Variants in MAEA observed in about 807,000 individuals in gnomAD.
MAEA encodes macrophage erythroblast attacher, E3 ubiquitin ligase, also known as E3 ubiquitin-protein transferase MAEA.
In MAEA, 22 loss-of-function variants were observed where a neutral mutation model predicts 46.2. That is an observed-to-expected ratio of 0.48 (90% CI 0.34 to 0.68). MAEA has a LOEUF of 0.68. MAEA is among the 30% of genes least tolerant of loss of function. The pLI is 0.01. For synonymous variants in MAEA, 246 were observed against 222.6 expected, an observed-to-expected ratio of 1.11 and a Z score of -0.94; for missense variants, 393 against 558.1, an observed-to-expected ratio of 0.70 and a Z score of 2.98.
intron 1 of MAEA, among the ~76,000 whole-genome samples, chr4:1,304,731 G>T (rs747850918): frequency 6.6e-6 from 1 of 152,068 alleles, no homozygotes. Flanking sequence ...GAACCACCAC[G>T]CCCGGCCCCT....
At chr4:1,315,881 CCCCCCA>C (rs1474061672) in intron 3 of MAEA, among the ~76,000 whole-genome samples, 1 of 52,274 alleles carries the variant, frequency 1.9e-5, no homozygotes, top group Non-Finnish European at 6.0e-5. Context: ...GTGCCCCCCC[CCCCCCA>C]ATGTGCGTGT....
intron 1 of MAEA, among the ~76,000 whole-genome samples, chr4:1,305,533 C>T (rs997383393): frequency 3.3e-5 from 5 of 152,178 alleles, no homozygotes; most frequent in Admixed American, 2.6e-4. Context: ...ATGGCTGAGT[C>T]ATCTGGTAGG....
chr4:1,335,620 G>A (rs1218440771), intron 6 of MAEA: 1 of 933,646 alleles, frequency 1.1e-6, no homozygotes, highest in African/African-American at 2.6e-5. Flanking sequence ...AAACCACAGA[G>A]TTAAGTCAGC....
In MAEA at chr4:1,312,134, G is replaced by A; in HGVS notation, c.225G>A (p.Val75=). The change falls in exon 2 of 9, where the codon GTG becomes GTA. Residue 75 remains valine, a synonymous_variant. Coordinates refer to ENST00000303400, the MANE Select transcript of MAEA (RefSeq NM_001017405.3). Reference sequence around the variant, plus strand: ...TGGTCAGCCTGCTGGACGGCGTGGTGGAGAAGCTCAGCGTCCTCAAGAGGA... The same window carrying A: ...TGGTCAGCCTGCTGGACGGCGTGGTAGAGAAGCTCAGCGTCCTCAAGAGGA... The part of the protein sequence containing the change: ...DSVVSLLDGV[V]EKLSVLKRKA... 1 of 1,613,930 alleles carries A rather than the reference G, an allele frequency of 6.2e-7. No homozygotes were observed. The highest frequency in any genetic ancestry group is 1.3e-5 in the African/African-American group (1 of 75,066).
At chr4:1,295,284 G>A (rs565127318) in intron 1 of MAEA, among the ~76,000 whole-genome samples, 2 of 152,184 alleles carry the variant, frequency 1.3e-5, no homozygotes, top group African/African-American at 4.8e-5. Flanking sequence ...TGATTTTTAG[G>A]TCTGTTATTT....
rs146201254 is a variant in MAEA, at chr4:1,322,442, G to T, written c.518G>T (p.Arg173Leu). ...GAGGTGGAGGAGTCCCTGGAGAGGC[G>T]TGAGACGGCCACCTGCCTGGCCTGG... is the stretch of plus-strand genomic sequence containing the variant. ...AKEVEESLERRETATCLAWCH... is the reference protein window; with the variant it reads ...AKEVEESLERLETATCLAWCH... The change falls in exon 4 of 9, where the codon CGT becomes CTT. Residue 173 changes from arginine (R) to leucine (L), a missense_variant. Arg to Leu is a moderately radical substitution (Grantham distance 102). Coordinates refer to ENST00000303400, the MANE Select transcript of MAEA (RefSeq NM_001017405.3). 1 of 1,614,060 alleles carries T rather than the reference G, an allele frequency of 6.2e-7. No homozygotes were observed. The highest frequency in any genetic ancestry group is 1.3e-5 in the African/African-American group (1 of 75,056).
intron 5 of MAEA, chr4:1,330,085 C>A (rs1739345312): frequency 4.1e-6 from 4 of 985,482 alleles, no homozygotes; most frequent in Non-Finnish European, 4.8e-6. Flanking sequence ...CTCCGCCCTG[C>A]CTGGGGCATT....
At chr4:1,334,746 CAG>C in intron 6 of MAEA, 1 of 428,652 alleles carries the variant, frequency 2.3e-6, no homozygotes, top group Non-Finnish European at 3.1e-6. Flanking sequence ...AGGCAAGAAA[CAG>C]AAGGAAGCAT....
intron 6 of MAEA, chr4:1,335,080 A>C: frequency 1.0e-6 from 1 of 985,258 alleles, no homozygotes; most frequent in African/African-American, 1.7e-5. Flanking sequence ...GTTGATGTGA[A>C]GGTTTTTCTC....
At chr4:1,303,351 G>A (rs1258960691) in intron 1 of MAEA, among the ~76,000 whole-genome samples, 1 of 143,430 alleles carries the variant, frequency 7.0e-6, no homozygotes, top group Non-Finnish European at 1.5e-5. Context: ...ACAGTGAGCT[G>A]AGATCGCACT....
At position 1,322,377 on chromosome 4, in the gene MAEA, T is replaced by A; in HGVS notation, c.457-4T>A. 1.2e-6 allele frequency: 2 copies of A among 1,613,784 alleles called. No individual in the cohort carries two copies. The highest frequency in any genetic ancestry group is 1.7e-6 in the Non-Finnish European group (2 of 1,179,814). On this transcript the variant is annotated splice_region_variant and splice_polypyrimidine_tract_variant and intron_variant, in intron 3 of 8. Transcript: ENST00000303400. The stretch of plus-strand genomic sequence containing the variant: ...CTGATCAGGTGCTGCTTCCTTCCTC[T>A]AAGGACCTAGTGAATATTGAGATGT...
At chr4:1,338,905 A>T (rs990253789) in intron 8 of MAEA, 169 bp from the exon 9 acceptor site, 2 of 674,948 alleles carry the variant, frequency 3.0e-6, no homozygotes, top group African/African-American at 3.6e-5. Flanking sequence ...AGGGGTGGGA[A>T]GGACAGGCGA....
intron 3 of MAEA, among the ~76,000 whole-genome samples, chr4:1,316,515 C>T (rs757453051): frequency 2.6e-5 from 4 of 152,130 alleles, no homozygotes; most frequent in Non-Finnish European, 5.9e-5. Context: ...AGGATTGTGC[C>T]CCATGGCCCT....
At chr4:1,296,422 T>C (rs1269712210) in intron 1 of MAEA, among the ~76,000 whole-genome samples, 1 of 107,808 alleles carries the variant, frequency 9.3e-6, no homozygotes. Context: ...CCTGTACCCC[T>C]CACCCATGCC....
chr4:1,294,809 G>A (rs1219444322), intron 1 of MAEA, among the ~76,000 whole-genome samples: 14 of 148,506 alleles, frequency 9.4e-5, no homozygotes, highest in Non-Finnish European at 2.0e-4. Flanking sequence ...GGGTGGGGCC[G>A]GGGGCAGGGG....
intron 3 of MAEA, among the ~76,000 whole-genome samples, chr4:1,316,126 T>A (rs940411615): frequency 1.3e-5 from 2 of 152,076 alleles, no homozygotes; most frequent in African/African-American, 4.8e-5. Flanking sequence ...TGACACATGC[T>A]CCATTGCTTC....
At chr4:1,293,553 A>G (rs1028411278) in intron 1 of MAEA, among the ~76,000 whole-genome samples, 4 of 152,262 alleles carry the variant, frequency 2.6e-5, no homozygotes, top group African/African-American at 9.6e-5. Context: ...TGCACAGCCC[A>G]GGGCGGGAAG....
intron 5 of MAEA, chr4:1,329,276 C>A (rs1011992303): frequency 1.0e-6 from 1 of 983,092 alleles, no homozygotes; most frequent in Non-Finnish European, 1.2e-6. Flanking sequence ...GTGTTCCCCC[C>A]GCTCCGCGTA....
chr4:1,307,228 G>A (rs957555249), intron 1 of MAEA, among the ~76,000 whole-genome samples: 6 of 152,144 alleles, frequency 3.9e-5, no homozygotes, highest in East Asian at 1.9e-4. Flanking sequence ...ACACCGTTCC[G>A]TAAGCACACA....
Sources: allele counts gnomAD v4.1 joint callset (sites outside exome capture counted in the v4.1 genomes callset), GRCh38; gene constraint gnomAD v4.1.1; transcripts MANE v1.5; gene names NCBI Gene and HGNC (gene_info 2026-07-23, HGNC 2026-07-21).